Variants in HDAC8 observed in about 807,000 individuals in gnomAD.
HDAC8 encodes histone deacetylase-like 1.
A neutral mutation model predicts 32.2 loss-of-function variants in HDAC8; 1 was observed. The observed-to-expected ratio is 0.03, with a 90% confidence interval of 0.01 to 0.15. HDAC8 has a LOEUF of 0.15. Among genes scored for constraint, HDAC8 ranks in the 10% least tolerant of loss-of-function variants. The probability of loss-of-function intolerance (pLI) is 1.00; values close to 1 mark genes in which losing one functional copy is unlikely to be tolerated. For missense variants in HDAC8, 117 were observed against 300.0 expected (o/e 0.39, Z 4.51); for synonymous variants, 108 against 113.9 (o/e 0.95, Z 0.33).
intron 7 of HDAC8, among the ~76,000 whole-genome samples, chrX:72,479,144 C>T (rs1284540174): frequency 1.8e-5 from 2 of 111,748 alleles, no homozygotes; most frequent in Non-Finnish European, 3.8e-5. Flanking sequence ...TCATCAGTCT[C>T]GGCAGCTGCT....
intron 2 of HDAC8, among the ~76,000 whole-genome samples, chrX:72,571,714 C>T (rs1799268195): frequency 9.3e-6 from 1 of 108,056 alleles, no homozygotes; most frequent in Non-Finnish European, 1.9e-5. Context: ...TTACAGGCGC[C>T]CGCTACCACG....
chrX:72,372,648 A>ATGC (rs1186208905), intron 9 of HDAC8, among the ~76,000 whole-genome samples: 2 of 111,518 alleles, frequency 1.8e-5, no homozygotes, highest in African/African-American at 3.3e-5. Flanking sequence ...GATGATGATG[A>ATGC]TGATAATTGA....
chrX:72,515,587 T>TGGGGGGGGGGGG (rs61675419), intron 4 of HDAC8, among the ~76,000 whole-genome samples: 9 of 33,718 alleles, frequency 2.7e-4, no homozygotes, highest in East Asian at 8.9e-4. Flanking sequence ...TCAGTGTGTG[T>TGGGGGGGGGGGG]GGGGGGGGGG....
chrX:72,571,908 A>T, intron 2 of HDAC8, 149 bp downstream of exon 2: 1 of 472,547 alleles, frequency 2.1e-6, no homozygotes, highest in Non-Finnish European at 3.4e-6. Context: ...TCTTGGGATT[A>T]CAGGCAGATT....
intron 9 of HDAC8, among the ~76,000 whole-genome samples, chrX:72,400,539 A>C (rs1259332346): frequency 8.9e-6 from 1 of 111,842 alleles, no homozygotes. Context: ...TTACCTTCAA[A>C]ATACATACAG....
chrX:72,477,207 C>G (rs1267884859), intron 7 of HDAC8, among the ~76,000 whole-genome samples: 2 of 111,776 alleles, frequency 1.8e-5, no homozygotes, highest in African/African-American at 6.5e-5. Flanking sequence ...TCATTCCAAA[C>G]TATAGTTAGA....
At chrX:72,554,784 C>T (rs1442707564) in intron 4 of HDAC8, among the ~76,000 whole-genome samples, 11 of 111,884 alleles carry the variant, frequency 9.8e-5, no homozygotes, top group Admixed American at 5.6e-4. Flanking sequence ...GGTGGTCTTT[C>T]TCTACCTGCC....
chrX:72,474,271 G>A, intron 7 of HDAC8: 1 of 729,332 alleles, frequency 1.4e-6, no homozygotes, highest in Non-Finnish European at 1.6e-6. Flanking sequence ...ATTTAAATGT[G>A]TGTGAATATG....
chrX:72,368,198 C>T (rs1379302472), intron 9 of HDAC8, among the ~76,000 whole-genome samples: 1 of 111,660 alleles, frequency 9.0e-6, no homozygotes, highest in African/African-American at 3.3e-5. Context: ...CCTGCCTTTC[C>T]GTTCACCATT....
intron 9 of HDAC8, among the ~76,000 whole-genome samples, chrX:72,385,082 TCA>T (rs2045384831): frequency 8.9e-6 from 1 of 111,758 alleles, no homozygotes; most frequent in South Asian, 3.7e-4. Context: ...TCCAAAAATC[TCA>T]GTTACTTTAC....
chrX:72,350,366 T>C (rs1376616084), intron 10 of HDAC8, among the ~76,000 whole-genome samples: 1 of 112,018 alleles, frequency 8.9e-6, no homozygotes, highest in Non-Finnish European at 1.9e-5. Flanking sequence ...TTTGCTGCTG[T>C]CATTTACTGG....
At chrX:72,484,525 T>G (rs2048609464) in intron 7 of HDAC8, among the ~76,000 whole-genome samples, 1 of 112,473 alleles carries the variant, frequency 8.9e-6, no homozygotes, top group African/African-American at 3.2e-5. Context: ...CCATACACAT[T>G]ATAAGCACTT....
intron 4 of HDAC8, chrX:72,567,480 C>A (rs1317200621): frequency 1.8e-5 from 6 of 341,269 alleles, no homozygotes; most frequent in Non-Finnish European, 3.1e-5. Context: ...GGTACCATAA[C>A]TAATGTTGTT....
intron 4 of HDAC8, among the ~76,000 whole-genome samples, chrX:72,524,296 T>C (rs1205488415): frequency 2.7e-5 from 3 of 111,891 alleles, no homozygotes; most frequent in Non-Finnish European, 5.6e-5. Context: ...CTTATCACAC[T>C]CAAAACTGGA....
chrX:72,492,491 G>A (rs1294932632), intron 5 of HDAC8, among the ~76,000 whole-genome samples: 2 of 110,873 alleles, frequency 1.8e-5, no homozygotes, highest in Non-Finnish European at 3.8e-5. Context: ...AGGCAAGGAT[G>A]GGGTAGGGGT....
At chrX:72,559,073 G>GTCTCCC (rs1322516642) in intron 4 of HDAC8, among the ~76,000 whole-genome samples, 3 of 8,776 alleles carry the variant, frequency 3.4e-4, no homozygotes, top group African/African-American at 8.9e-4. Flanking sequence ...CCTCCCCACG[G>GTCTCCC]TCTCCCTCTC....
chrX:72,342,549 A>G (rs1025302852), intron 10 of HDAC8, among the ~76,000 whole-genome samples: 16 of 112,432 alleles, frequency 1.4e-4, no homozygotes, highest in African/African-American at 5.2e-4. Flanking sequence ...TTTCCTAATA[A>G]TTTCCAACCT....
intron 8 of HDAC8, 37 bp from the exon 9 acceptor site, chrX:72,462,135 A>G (rs1555991978): frequency 9.4e-7 from 1 of 1,063,313 alleles, no homozygotes; most frequent in Non-Finnish European, 1.3e-6. Context: ...AGGAAAGAAT[A>G]GTCATAAAAC....
At chrX:72,473,553 A>G (rs1206298008) in intron 7 of HDAC8, 1 of 260,054 alleles carries the variant, frequency 3.8e-6, no homozygotes, top group Non-Finnish European at 5.3e-6. Flanking sequence ...ACTGCCATAC[A>G]GAGAGGTTAA....
Sources: gnomAD v4.1 joint callset for allele counts (sites outside exome capture counted in the v4.1 genomes callset) on GRCh38, gnomAD v4.1.1 for gene constraint, MANE v1.5 for transcripts, NCBI Gene and HGNC (gene_info 2026-07-23, HGNC 2026-07-21) for gene names.